The following GLG1 variants were observed in gnomAD, a reference collection of about 807,000 sequenced individuals.
GLG1 encodes the protein golgi glycoprotein 1.
In GLG1, 38 loss-of-function variants were observed where a neutral mutation model predicts 160.5. That is an observed-to-expected ratio of 0.24 (90% CI 0.18 to 0.31). The LOEUF is 0.31. GLG1 is among the 10% of genes least tolerant of loss of function. The probability of loss-of-function intolerance (pLI) is 1.00; values close to 1 mark genes in which losing one functional copy is unlikely to be tolerated. For missense variants in GLG1, 1,373 were observed against 1,505.2 expected (o/e 0.91, Z 1.45); for synonymous variants, 644 against 543.4 (o/e 1.19, Z -2.57).
intron 25 of GLG1, 35 bp downstream of exon 25, chr16:74,456,614 G>GT (rs753333781): frequency 1.1e-5 from 15 of 1,329,316 alleles, no homozygotes; most frequent in South Asian, 1.1e-4. Flanking sequence ...ATATTTTTTT[G>GT]TTTTTTTAAA....
rs1468847274 is a variant in GLG1, at chr16:74,457,985, T to C, written c.3154A>G (p.Asn1052Asp). ...KTELCKKEVL[N>D]MLKESKADIF... ...TCTGCTTTGCTTTCCTTCAGCATGT[T>C]TAGCACTTCCTGGAAAGGGAGGGTC... The change falls in exon 24 of 26, where the codon AAC becomes GAC. Residue 1052 changes from asparagine (N) to aspartate (D), a missense_variant. Asn to Asp is a conservative substitution (Grantham distance 23). Around this residue, in one of 4 missense-constraint regions of GLG1, gnomAD observed 491 missense variants for 632.1 expected, o/e 0.78. Coordinates refer to ENST00000422840, the MANE Select transcript of GLG1 (RefSeq NM_001145667.2). The C allele has an allele frequency of 6.2e-7, 1 of 1,613,960 alleles. No individual in the cohort carries two copies.
Position 74,462,468 on chromosome 16 carries a change from G to T in GLG1, c.2934+20C>A, listed in dbSNP as rs2014839833. 1.2e-6 allele frequency: 2 copies of T among 1,606,444 alleles called. No individual in the cohort carries two copies. The highest frequency in any genetic ancestry group is 1.7e-5 in the Admixed American group (1 of 59,832). Reference sequence around the variant, plus strand: ...GAGGCTCCATAAATACACCTTTGTGGAGAGCCCAGGCCAGTTTACCTGGTC... The same window carrying T: ...GAGGCTCCATAAATACACCTTTGTGTAGAGCCCAGGCCAGTTTACCTGGTC... On this transcript the variant is annotated intron_variant, in intron 21 of 25. Coordinates refer to ENST00000422840, the MANE Select transcript of GLG1 (RefSeq NM_001145667.2).
chr16:74,589,123 C>T (rs543979662), intron 1 of GLG1, among the ~76,000 whole-genome samples: 2 of 151,708 alleles, frequency 1.3e-5, no homozygotes, highest in South Asian at 2.1e-4. Context: ...GGCGTGGTGG[C>T]GTGCACCTGT....
intron 2 of GLG1, among the ~76,000 whole-genome samples, chr16:74,516,029 A>C (rs1399858616): frequency 6.6e-6 from 1 of 151,694 alleles, no homozygotes; most frequent in East Asian, 1.9e-4. Flanking sequence ...TATGCACCCA[A>C]TACAGGAGCA....
chr16:74,551,667 T>C (rs1597339114), intron 1 of GLG1, among the ~76,000 whole-genome samples: 3 of 151,182 alleles, frequency 2.0e-5, no homozygotes, highest in Admixed American at 2.0e-4. Flanking sequence ...GTTGGCTAAT[T>C]TGGGAAGAGG....
intron 3 of GLG1, among the ~76,000 whole-genome samples, chr16:74,508,458 T>C (rs1473959309): frequency 6.6e-6 from 1 of 152,202 alleles, no homozygotes; most frequent in Non-Finnish European, 1.5e-5. Context: ...TTGAAGTATA[T>C]ACCTCTGTGG....
At chr16:74,485,603 C>G (rs2015760933) in intron 9 of GLG1, among the ~76,000 whole-genome samples, 193 bp downstream of exon 9, 1 of 152,156 alleles carries the variant, frequency 6.6e-6, no homozygotes, top group Non-Finnish European at 1.5e-5. Context: ...CTAGGTGTCT[C>G]TATATCATGG....
In GLG1 at chr16:74,494,782, A is replaced by T. The variant is rs751069030; in HGVS notation, c.1028T>A (p.Phe343Tyr). 2 of 1,469,832 alleles carry T rather than the reference A, an allele frequency of 1.4e-6. No individual in the cohort carries two copies. The highest frequency in any genetic ancestry group is 2.8e-5 in the African/African-American group (2 of 72,264). 91.0% of individuals were successfully genotyped at this position (1,469,832 alleles called of 1,614,324 possible). The change falls in exon 6 of 26, where the codon TTT becomes TAT. Residue 343 changes from phenylalanine (F) to tyrosine (Y), a missense_variant. Phe to Tyr is a conservative substitution (Grantham distance 22, BLOSUM62 3). Coordinates refer to ENST00000422840, the MANE Select transcript of GLG1 (RefSeq NM_001145667.2). ...TACCTTTTCACTCATGGATTCTTCA[A>T]ATTTATGGTTAAAGAGGCACTTATA... is the stretch of plus-strand genomic sequence containing the variant. ...RVYKCLFNHK[F>Y]EESMSEKCRE...
chr16:74,500,527 C>G (rs924752627), intron 4 of GLG1, among the ~76,000 whole-genome samples: 2 of 150,930 alleles, frequency 1.3e-5, no homozygotes, highest in Non-Finnish European at 2.9e-5. Context: ...AAATAGTAGG[C>G]GAGAACTCAG....
At chr16:74,505,569 A>C (rs535269820) in intron 3 of GLG1, among the ~76,000 whole-genome samples, 1 of 152,228 alleles carries the variant, frequency 6.6e-6, no homozygotes, top group East Asian at 1.9e-4. Context: ...AAAATACAAA[A>C]ATTGGCCAGG....
intron 13 of GLG1, among the ~76,000 whole-genome samples, chr16:74,473,797 C>T (rs1221177681): frequency 1.3e-5 from 2 of 151,950 alleles, no homozygotes; most frequent in Non-Finnish European, 2.9e-5. Context: ...GATAAACATA[C>T]GTATTCAATC....
At chr16:74,518,085 T>G (rs2017039143) in intron 2 of GLG1, among the ~76,000 whole-genome samples, 1 of 152,172 alleles carries the variant, frequency 6.6e-6, no homozygotes, top group Non-Finnish European at 1.5e-5. Context: ...TCCATGCTCG[T>G]GGATAGAAGA....
chr16:74,545,033 G>A (rs1210383330), intron 1 of GLG1, among the ~76,000 whole-genome samples: 1 of 2,682 alleles, frequency 3.7e-4, no homozygotes, highest in Admixed American at 6.9e-3. Context: ...TAAGTTTGCA[G>A]ATATGTAGAT....
chr16:74,490,952 T>C (rs1404011354), intron 8 of GLG1, 49 bp downstream of exon 8: 1 of 1,327,410 alleles, frequency 7.5e-7, no homozygotes, highest in Admixed American at 1.7e-5. Flanking sequence ...AAGAGGCTCT[T>C]CAGCTGATAA....
At chr16:74,512,683 A>C (rs1237142791) in intron 2 of GLG1, among the ~76,000 whole-genome samples, 1 of 144,754 alleles carries the variant, frequency 6.9e-6, no homozygotes, top group Non-Finnish European at 1.5e-5. Context: ...TGAAGGAAGG[A>C]AAAAAAAAAA....
At chr16:74,454,125 G>A (rs554166999) in intron 25 of GLG1, among the ~76,000 whole-genome samples, 64 of 151,904 alleles carry the variant, frequency 4.2e-4, no homozygotes, top group Non-Finnish European at 7.9e-4. Flanking sequence ...CGCCCACCTC[G>A]GCCTCCCAAA....
rs116876068 is a variant in GLG1, at chr16:74,581,041, T to C, written c.438+25616A>G. The stretch of plus-strand genomic sequence containing the variant: ...AAATTAGAACTCTCTGAACTGTTGG[T>C]GGGAATATAATATGATGCAGCTGCT... On this transcript the variant is annotated intron_variant, in intron 1 of 25. Coordinates refer to ENST00000422840, the MANE Select transcript of GLG1 (RefSeq NM_001145667.2). 9.3e-3 allele frequency among the ~76,000 whole-genome samples: 1,420 copies of C among 152,284 alleles called. 6 individuals carry two copies. The highest frequency in any genetic ancestry group is 0.012 in the Non-Finnish European group (846 of 68,016).
chr16:74,496,570 G>A lies in GLG1; in HGVS notation c.849C>T (p.Pro283=), dbSNP rs183885575. Residue 283 remains proline, a synonymous_variant, in exon 5 of 26, where the codon CCC becomes CCT. Coordinates refer to ENST00000422840, the MANE Select transcript of GLG1 (RefSeq NM_001145667.2). ...TGCAGAGTTCAGAAACTTGAATCTT[G>A]GGTTCTCTTTCTTCTGCTTCTTTCA... The part of the protein sequence containing the change: ...GLVKEAEERE[P]KIQVSELCKK... 3.7e-6 allele frequency: 6 copies of A among 1,613,400 alleles called. No homozygotes were observed. The highest frequency in any genetic ancestry group is 5.1e-6 in the Non-Finnish European group (6 of 1,179,482).
At chr16:74,462,305 A>G (rs1429200639) in intron 21 of GLG1, 110 bp from the exon 22 acceptor site, 1 of 812,320 alleles carries the variant, frequency 1.2e-6, no homozygotes, top group Non-Finnish European at 2.0e-6. Flanking sequence ...AACAAGAAAA[A>G]AACAAAAAGA....
Sources: gnomAD v4.1 joint callset for allele counts (sites outside exome capture counted in the v4.1 genomes callset) on GRCh38, gnomAD v4.1.1 for gene constraint, gnomAD v4.1.1 regional missense constraint, MANE v1.5 for transcripts, NCBI Gene and HGNC (gene_info 2026-07-23, HGNC 2026-07-21) for gene names.